DLGAP2: variants seen among roughly 807,000 people sequenced by gnomAD.
DLGAP2 encodes the protein disks large-associated protein 2.
Under a neutral mutation model 100.3 loss-of-function variants are expected in DLGAP2, and 26 were observed. The observed-to-expected ratio is 0.26, with a 90% CI of 0.19 to 0.36. The LOEUF (loss-of-function observed/expected upper bound fraction) is 0.36, where lower values mean the gene tolerates loss of function less well. Ranked by LOEUF, DLGAP2 falls within the 10% of genes least tolerant of loss-of-function variation. The pLI is 1.00. For missense variants in DLGAP2, 1,858 were observed against 1,453.2 expected, an observed-to-expected ratio of 1.28 and a Z score of -4.53; for synonymous variants, 886 against 630.1, an observed-to-expected ratio of 1.41 and a Z score of -6.08.
intron 2 of DLGAP2, among the ~76,000 whole-genome samples, chr8:1,107,811 C>T (rs946008722): frequency 2.6e-5 from 4 of 152,204 alleles, no homozygotes; most frequent in Admixed American, 2.6e-4. Context: ...TGTTTCCACA[C>T]CCATGTTGCA....
chr8:1,648,901 T>C (rs942994153), intron 8 of DLGAP2, among the ~76,000 whole-genome samples: 3 of 152,122 alleles, frequency 2.0e-5, no homozygotes, highest in East Asian at 3.9e-4. Flanking sequence ...ATGGGAAGAA[T>C]TGTGGGGAAA....
chr8:768,459 C>G (rs1821272406), intron 1 of DLGAP2, among the ~76,000 whole-genome samples: 2 of 126,584 alleles, frequency 1.6e-5, no homozygotes, highest in Non-Finnish European at 1.6e-5. Flanking sequence ...GAATCTTGCT[C>G]TGTCTCCCAG....
At position 1,267,568 on chromosome 8, in the gene DLGAP2, T is replaced by TA. The variant is rs1554429907; in HGVS notation, c.106+8689dup. Among the ~76,000 whole-genome samples the TA allele has an allele frequency of 6.3e-3, 302 of 48,194 alleles. 8 individuals are homozygous for TA. The highest frequency in any genetic ancestry group is 0.027 in the African/African-American group (283 of 10,628). 31.6% of individuals were successfully genotyped at this position (48,194 alleles called of 152,430 possible). A position where few individuals can be genotyped will look rare whatever the true frequency, so the allele number is the denominator to read the frequency against. ...AGCAAAATTCCCGCTCAAAATAAAATAAAATAAAATAAAATAAAATAAGAT... is the reference window on the plus strand; with the variant it reads ...AGCAAAATTCCCGCTCAAAATAAAATAAAAATAAAATAAAATAAAATAAGAT... On this transcript the variant is annotated intron_variant, in intron 3 of 14. Transcript: ENST00000637795.
chr8:775,063 T>A (rs1312193932), intron 1 of DLGAP2, among the ~76,000 whole-genome samples: 51 of 152,278 alleles, frequency 3.3e-4, no homozygotes, highest in African/African-American at 4.8e-4. Context: ...GAGGTCCTTC[T>A]CGTCCCTTGT....
intron 3 of DLGAP2, among the ~76,000 whole-genome samples, chr8:1,271,098 G>C (rs1374488754): frequency 1.3e-5 from 2 of 151,762 alleles, no homozygotes; most frequent in African/African-American, 4.8e-5. Flanking sequence ...AGTTAATTTT[G>C]GCAAACTAAC....
At chr8:829,728 A>G (rs1359240849) in intron 1 of DLGAP2, among the ~76,000 whole-genome samples, 4 of 152,222 alleles carry the variant, frequency 2.6e-5, no homozygotes, top group African/African-American at 9.6e-5. Context: ...ATTTTGGTTT[A>G]CTTTCCATAT....
intron 2 of DLGAP2, among the ~76,000 whole-genome samples, chr8:1,253,203 T>C (rs57588995): frequency 0.099 from 15,130 of 152,228 alleles, 1,922 homozygotes; most frequent in African/African-American, 0.3. Flanking sequence ...CTTGGCTTCG[T>C]CCTGAGGAGC....
At chr8:1,277,332 A>C (rs1178959791) in intron 3 of DLGAP2, among the ~76,000 whole-genome samples, 2 of 152,118 alleles carry the variant, frequency 1.3e-5, no homozygotes, top group Admixed American at 1.3e-4. Flanking sequence ...TGCTATTTCA[A>C]ATTAATCTAG....
At chr8:1,152,270 CAG>C (rs759492086) in intron 2 of DLGAP2, among the ~76,000 whole-genome samples, 25 of 152,314 alleles carry the variant, frequency 1.6e-4, no homozygotes, top group Admixed American at 2.0e-4. Flanking sequence ...TGTTTGCATT[CAG>C]ACTTTTGCCT....
intron 2 of DLGAP2, among the ~76,000 whole-genome samples, chr8:975,905 A>T (rs1466802645): frequency 6.8e-6 from 1 of 146,078 alleles, no homozygotes; most frequent in Non-Finnish European, 1.5e-5. Flanking sequence ...AAGACGGGAG[A>T]AATAAACCTA....
chr8:914,287 C>A (rs924850438), intron 2 of DLGAP2, among the ~76,000 whole-genome samples: 3 of 152,230 alleles, frequency 2.0e-5, no homozygotes, highest in African/African-American at 7.2e-5. Context: ...GACCCAGCGC[C>A]ACCTTCCATG....
chr8:838,637 C>G (rs1055299928), intron 1 of DLGAP2, among the ~76,000 whole-genome samples: 3 of 151,956 alleles, frequency 2.0e-5, no homozygotes, highest in Non-Finnish European at 2.9e-5. Context: ...GGGAAAAGCT[C>G]TTGTACATTT....
intron 2 of DLGAP2, among the ~76,000 whole-genome samples, chr8:1,059,550 C>T (rs910268793): frequency 3.9e-5 from 6 of 152,330 alleles, no homozygotes; most frequent in East Asian, 1.9e-4. Flanking sequence ...TGCCCATTGC[C>T]TCCCCTCCAT....
chr8:1,661,221 G>A (rs940671805), intron 8 of DLGAP2, among the ~76,000 whole-genome samples: 1 of 152,184 alleles, frequency 6.6e-6, no homozygotes, highest in African/African-American at 2.4e-5. Context: ...AGCCTGCTGG[G>A]CCCAGCTTCT....
chr8:1,463,415 G>T (rs1244214183), intron 3 of DLGAP2, among the ~76,000 whole-genome samples: 6 of 152,176 alleles, frequency 3.9e-5, no homozygotes, highest in Admixed American at 3.9e-4. Context: ...AACCCAGCAT[G>T]GCTATGTAGT....
intron 2 of DLGAP2, among the ~76,000 whole-genome samples, chr8:976,198 G>A (rs898582444): frequency 6.6e-5 from 10 of 152,122 alleles, no homozygotes; most frequent in Admixed American, 1.3e-4. Flanking sequence ...ACATTTTCAC[G>A]ATAATAAGTA....
At chr8:1,195,403 A>C (rs947152218) in intron 2 of DLGAP2, among the ~76,000 whole-genome samples, 1 of 152,236 alleles carries the variant, frequency 6.6e-6, no homozygotes, top group South Asian at 2.1e-4. Flanking sequence ...ATGTGTTATT[A>C]ATGAAAAACA....
chr8:913,805 T>G (rs1436330129), intron 2 of DLGAP2, among the ~76,000 whole-genome samples: 1 of 152,248 alleles, frequency 6.6e-6, no homozygotes, highest in Non-Finnish European at 1.5e-5. Context: ...AGTCCTGAAT[T>G]ATCCACATGT....
At chr8:1,464,661 G>A (rs1170395435) in intron 3 of DLGAP2, among the ~76,000 whole-genome samples, 3 of 152,076 alleles carry the variant, frequency 2.0e-5, no homozygotes, top group African/African-American at 4.8e-5. Context: ...GGGAGACAGG[G>A]CCAGGAAGAG....
Sources: allele counts gnomAD v4.1 joint callset (sites outside exome capture counted in the v4.1 genomes callset), GRCh38; gene constraint gnomAD v4.1.1; transcripts MANE v1.5; gene names NCBI Gene and HGNC (gene_info 2026-07-23, HGNC 2026-07-21).